LGR6: variants seen among roughly 807,000 people sequenced by gnomAD.
LGR6 encodes the protein leucine rich repeat containing G protein-coupled receptor 6.
In LGR6, 45 loss-of-function variants were observed where a neutral mutation model predicts 69.4. The ratio of observed to expected loss-of-function variants is 0.65; its 90% CI spans 0.51 to 0.83. The LOEUF (loss-of-function observed/expected upper bound fraction) is 0.83. LGR6 is among the 40% of genes least tolerant of loss of function. The pLI is 0.00. For synonymous variants in LGR6, 538 were observed against 555.0 expected, an observed-to-expected ratio of 0.97 and a Z score of 0.43; for missense variants, 1,108 against 1,246.7, an observed-to-expected ratio of 0.89 and a Z score of 1.68.
chr1:202,207,984 A>T (rs1460748950), intron 1 of LGR6, among the ~76,000 whole-genome samples: 1 of 152,198 alleles, frequency 6.6e-6, no homozygotes, highest in Non-Finnish European at 1.5e-5. Context: ...GTAACGCCCC[A>T]AGTGAGCGCC....
intron 6 of LGR6, among the ~76,000 whole-genome samples, chr1:202,282,015 T>C (rs1158423688): frequency 1.3e-5 from 2 of 152,172 alleles, no homozygotes; most frequent in African/African-American, 2.4e-5. Context: ...CCACTCTTTT[T>C]TCCTGTGGGC....
intron 4 of LGR6, among the ~76,000 whole-genome samples, chr1:202,253,640 T>G (rs1663480489): frequency 7.9e-6 from 1 of 127,360 alleles, no homozygotes; most frequent in African/African-American, 3.0e-5. Flanking sequence ...TTTTTTTTTT[T>G]TTTTTTGAGA....
At chr1:202,266,474 C>G (rs1299023054) in intron 4 of LGR6, among the ~76,000 whole-genome samples, 1 of 151,840 alleles carries the variant, frequency 6.6e-6, no homozygotes, top group Non-Finnish European at 1.5e-5. Flanking sequence ...TCCCCACCCC[C>G]ACCCCACCAG....
At chr1:202,212,610 C>T (rs1659505503) in intron 1 of LGR6, among the ~76,000 whole-genome samples, 2 of 152,230 alleles carry the variant, frequency 1.3e-5, no homozygotes, top group African/African-American at 4.8e-5. Flanking sequence ...GTCTTCACCT[C>T]ACCTTCTTCT....
Position 202,318,462 on chromosome 1 carries a change from A to G in LGR6, c.2159A>G (p.Tyr720Cys), listed in dbSNP as rs944612520. 2.5e-6 allele frequency: 4 copies of G among 1,613,368 alleles called. No homozygotes were observed. Among genetic ancestry groups the G allele is most frequent in the Admixed American group, 1.7e-5 (1 of 60,006 alleles). The change falls in exon 18 of 18, where the codon TAC (tyrosine) becomes TGC (cysteine). Residue 720 changes from tyrosine (Y) to cysteine (C), a missense_variant. Tyr to Cys is a radical substitution (Grantham distance 194). Coordinates refer to ENST00000367278, the MANE Select transcript of LGR6 (RefSeq NM_001017403.2). ...EYGASPLCLP[Y>C]APPEGQPAAL... ...GGGGCCTCCCCACTCTGCCTGCCCT[A>G]CGCGCCACCTGAGGGTCAGCCAGCA...
intron 1 of LGR6, among the ~76,000 whole-genome samples, chr1:202,222,513 C>T (rs999055625): frequency 2.6e-5 from 4 of 152,182 alleles, no homozygotes; most frequent in African/African-American, 9.7e-5. Context: ...GCCCTGAGTG[C>T]TCCTTGAACT....
intron 5 of LGR6, among the ~76,000 whole-genome samples, chr1:202,280,317 T>C (rs1329021144): frequency 6.6e-6 from 1 of 152,188 alleles, no homozygotes; most frequent in Admixed American, 6.5e-5. Context: ...AGTGTGTCTG[T>C]AGCTCTCTCC....
At chr1:202,218,773 C>T (rs1659952375) in intron 1 of LGR6, among the ~76,000 whole-genome samples, 1 of 152,216 alleles carries the variant, frequency 6.6e-6, no homozygotes, top group Non-Finnish European at 1.5e-5. Flanking sequence ...CTGACCCTCT[C>T]TCCTGAGTGT....
At chr1:202,210,611 T>C (rs1201606105) in intron 1 of LGR6, 1 of 152,172 alleles carries the variant, frequency 6.6e-6, no homozygotes, top group African/African-American at 2.4e-5. Context: ...CTGGGGAGCC[T>C]CTTAAGCTGC....
chr1:202,195,175 C>G (rs369502466), intron 1 of LGR6, among the ~76,000 whole-genome samples: 1 of 53,144 alleles, frequency 1.9e-5, no homozygotes, highest in African/African-American at 4.7e-5. Flanking sequence ...GGTGGGAAAG[C>G]CTGGTGGGGC....
intron 4 of LGR6, among the ~76,000 whole-genome samples, chr1:202,255,866 G>A (rs775303489): frequency 6.6e-6 from 1 of 152,114 alleles, no homozygotes; most frequent in Non-Finnish European, 1.5e-5. Flanking sequence ...AAGACTTTTA[G>A]CTTTAAATAT....
chr1:202,228,362 G>C (rs1269584400), intron 3 of LGR6, among the ~76,000 whole-genome samples: 1 of 152,142 alleles, frequency 6.6e-6, no homozygotes, highest in Non-Finnish European at 1.5e-5. Context: ...AGACGGATAA[G>C]ACTGTTTCTG....
chr1:202,301,180 C>G lies in LGR6; in HGVS notation c.874C>G (p.Pro292Ala), dbSNP rs763858097. 1 of 1,614,176 alleles carries G rather than the reference C, an allele frequency of 6.2e-7. No homozygotes were observed. Among genetic ancestry groups the G allele is most frequent in the South Asian group, 1.1e-5 (1 of 91,086 alleles). Residue 292 changes from proline to alanine, a missense_variant, in exon 9 of 18, where the codon CCA (proline) becomes GCA (alanine). Physicochemically the swap from Pro to Ala is conservative, Grantham distance 27 (BLOSUM62 -1). Coordinates refer to ENST00000367278, the MANE Select transcript of LGR6 (RefSeq NM_001017403.2). ...TTCTTCCAGACACTTTTATGATAAC[C>G]CAATCCAGTTTGTGGGAAGATCGGC... ...LLQTIHFYDN[P>A]IQFVGRSAFQ...
chr1:202,319,263 T>C lies in LGR6; in HGVS notation c.*56T>C. The C allele has an allele frequency of 6.8e-7, 1 of 1,479,858 alleles. No individual in the cohort carries two copies. 91.7% of individuals were successfully genotyped at this position (1,479,858 alleles called of 1,614,324 possible). ...CTTCCCTTTCCTCTCTCCCCCTCGG[T>C]GAATGATGGCTGCTTCTAAAACAAA... On this transcript the variant is annotated 3_prime_UTR_variant, in exon 18 of 18. Transcript: ENST00000367278.
intron 6 of LGR6, among the ~76,000 whole-genome samples, chr1:202,285,535 G>T (rs1666329814): frequency 6.6e-6 from 1 of 152,208 alleles, no homozygotes; most frequent in Non-Finnish European, 1.5e-5. Context: ...AAGATTGTTG[G>T]CAAGGATCGC....
chr1:202,256,369 A>G (rs1330480114), intron 4 of LGR6, among the ~76,000 whole-genome samples: 1 of 151,896 alleles, frequency 6.6e-6, no homozygotes, highest in African/African-American at 2.4e-5. Context: ...TCAGCCTCCC[A>G]AGTAGCTGGG....
chr1:202,262,838 T>C (rs1382425283), intron 4 of LGR6, among the ~76,000 whole-genome samples: 1 of 152,236 alleles, frequency 6.6e-6, no homozygotes, highest in Non-Finnish European at 1.5e-5. Context: ...TCACCTACAA[T>C]GCAAATTTGA....
chr1:202,239,867 G>T (rs1488278766), intron 4 of LGR6, among the ~76,000 whole-genome samples: 1 of 152,116 alleles, frequency 6.6e-6, no homozygotes, highest in Non-Finnish European at 1.5e-5. Flanking sequence ...TAGTATCTGT[G>T]TATCTCAACA....
intron 9 of LGR6, among the ~76,000 whole-genome samples, chr1:202,302,756 A>G (rs946096358): frequency 6.6e-6 from 1 of 152,068 alleles, no homozygotes; most frequent in Non-Finnish European, 1.5e-5. Context: ...CATGTTGGCC[A>G]GGCTGGTCTC....
Sources: allele counts gnomAD v4.1 joint callset (sites outside exome capture counted in the v4.1 genomes callset), GRCh38; gene constraint gnomAD v4.1.1; transcripts MANE v1.5; gene names NCBI Gene and HGNC (gene_info 2026-07-23, HGNC 2026-07-21).